The following XKR9 variants were observed in gnomAD, a reference collection of about 807,000 sequenced individuals.
XKR9 encodes the protein XK-related protein 9.
In XKR9, 32 loss-of-function variants were observed where a neutral mutation model predicts 32.0. The ratio of observed to expected loss-of-function variants is 1.00; its 90% CI spans 0.76 to 1.34. The LOEUF is 1.34. Among genes scored for constraint, XKR9 ranks in the 40% most tolerant of loss-of-function variants. XKR9 has a pLI of 0.00. For synonymous variants in XKR9, 168 were observed against 143.4 expected, an observed-to-expected ratio of 1.17 and a Z score of -1.22; for missense variants, 546 against 429.7, an observed-to-expected ratio of 1.27 and a Z score of -2.39.
At chr8:70,941,926 A>G in the XKR9 span, among the ~76,000 whole-genome samples, 1 of 152,108 alleles carries the variant, frequency 6.6e-6, no homozygotes, top group Non-Finnish European at 1.5e-5. Flanking sequence ...ACCTGAAGAA[A>G]TGAGATTATA....
chr8:70,717,037 C>T (rs575590099), intron 4 of XKR9, among the ~76,000 whole-genome samples: 13 of 152,214 alleles, frequency 8.5e-5, no homozygotes, highest in Non-Finnish European at 1.9e-4. Context: ...AAATGATCTC[C>T]TTTGACTTCA....
At chr8:70,961,849 T>C in the XKR9 span, among the ~76,000 whole-genome samples, 1 of 152,170 alleles carries the variant, frequency 6.6e-6, no homozygotes, top group Non-Finnish European at 1.5e-5. Context: ...AGCTAAACTT[T>C]GGTGAACAGG....
the XKR9 span, among the ~76,000 whole-genome samples, chr8:70,904,572 C>G: frequency 6.6e-6 from 1 of 152,110 alleles, no homozygotes. Flanking sequence ...GACTCTTTAT[C>G]CAATTTGCCA....
At chr8:70,993,949 C>T in the XKR9 span, among the ~76,000 whole-genome samples, 1 of 152,116 alleles carries the variant, frequency 6.6e-6, no homozygotes. Context: ...TCTGCAGTCC[C>T]TCTGAATAGC....
the XKR9 span, among the ~76,000 whole-genome samples, chr8:70,931,890 A>G: frequency 1.3e-5 from 2 of 152,172 alleles, no homozygotes; most frequent in Non-Finnish European, 2.9e-5. Flanking sequence ...CTATGATCCA[A>G]TTCCTACCAA....
chr8:70,944,024 T>C, the XKR9 span, among the ~76,000 whole-genome samples: 1 of 152,174 alleles, frequency 6.6e-6, no homozygotes, highest in Admixed American at 6.5e-5. Flanking sequence ...ATTTTCTAAG[T>C]GTCAGATGGT....
the XKR9 span, among the ~76,000 whole-genome samples, chr8:70,974,363 G>A: frequency 6.6e-6 from 1 of 151,902 alleles, no homozygotes; most frequent in Non-Finnish European, 1.5e-5. Context: ...ATTTACGTTA[G>A]GTATTTCTCC....
chr8:70,960,569 T>A, the XKR9 span, among the ~76,000 whole-genome samples: 3 of 152,120 alleles, frequency 2.0e-5, no homozygotes, highest in Admixed American at 6.5e-5. Context: ...TAAGGATATA[T>A]AGGATGTTGT....
the XKR9 span, among the ~76,000 whole-genome samples, chr8:71,023,861 T>G: frequency 2.6e-5 from 4 of 151,818 alleles, no homozygotes; most frequent in Non-Finnish European, 4.4e-5. Context: ...CTAGAAGGAG[T>G]GCCCAGATGC....
chr8:70,807,481 G>C, the XKR9 span, among the ~76,000 whole-genome samples: 11,048 of 152,182 alleles, frequency 0.073, 477 homozygotes, highest in Non-Finnish European at 0.089. Flanking sequence ...ATTGGATAAA[G>C]AGTCAAGGCC....
chr8:70,934,435 C>T, the XKR9 span, among the ~76,000 whole-genome samples: 15 of 151,958 alleles, frequency 9.9e-5, no homozygotes, highest in African/African-American at 3.6e-4. Flanking sequence ...TGTGACAATC[C>T]ATTTCTGTAG....
At chr8:70,797,937 T>C in the XKR9 span, among the ~76,000 whole-genome samples, 1 of 152,246 alleles carries the variant, frequency 6.6e-6, no homozygotes, top group South Asian at 2.1e-4. Context: ...ACCACATTTC[T>C]TTATCCAGTC....
the XKR9 span, among the ~76,000 whole-genome samples, chr8:71,049,943 C>G: frequency 6.6e-6 from 1 of 152,068 alleles, no homozygotes; most frequent in Non-Finnish European, 1.5e-5. Flanking sequence ...TGAACAGCAT[C>G]TGACTGAAAG....
At chr8:70,843,727 G>A in the XKR9 span, among the ~76,000 whole-genome samples, 256 of 152,256 alleles carry the variant, frequency 1.7e-3, 1 homozygote, top group Admixed American at 3.4e-3. Context: ...ACCCATGGGA[G>A]CAGCTTTTGC....
chr8:70,820,507 T>C, the XKR9 span, among the ~76,000 whole-genome samples: 1 of 152,082 alleles, frequency 6.6e-6, no homozygotes, highest in Non-Finnish European at 1.5e-5. Flanking sequence ...GAGGAAGAGG[T>C]GCCAGGCTCT....
chr8:70,675,235 G>A (rs7001162), intron 2 of XKR9, among the ~76,000 whole-genome samples: 61,243 of 151,958 alleles, frequency 0.4, 13,878 homozygotes, highest in Non-Finnish European at 0.52. Context: ...AAATCAGCCT[G>A]CCCAATATGG....
intron 2 of XKR9, among the ~76,000 whole-genome samples, chr8:70,760,569 C>T (rs537218056): frequency 1.3e-5 from 2 of 152,234 alleles, no homozygotes; most frequent in Non-Finnish European, 2.9e-5. Flanking sequence ...TCAAGTGATC[C>T]TCCTGCCACA....
intron 2 of XKR9, among the ~76,000 whole-genome samples, chr8:70,752,521 G>A (rs1408479223): frequency 1.3e-5 from 2 of 152,224 alleles, no homozygotes. Context: ...AAATAATTCA[G>A]TCCTGTGAGA....
chr8:70,884,321 A>G, the XKR9 span, among the ~76,000 whole-genome samples: 1 of 152,100 alleles, frequency 6.6e-6, no homozygotes, highest in African/African-American at 2.4e-5. Flanking sequence ...ATCCCAGTCT[A>G]TGACTTATCA....
Sources: allele counts gnomAD v4.1 joint callset (sites outside exome capture counted in the v4.1 genomes callset), GRCh38; gene constraint gnomAD v4.1.1; transcripts MANE v1.5; gene names NCBI Gene and HGNC (gene_info 2026-07-23, HGNC 2026-07-21).